TMEM132E: variants seen among roughly 807,000 people sequenced by gnomAD.
TMEM132E encodes the protein transmembrane protein 132E.
In TMEM132E, 49 loss-of-function variants were observed where a neutral mutation model predicts 78.5. That is an observed-to-expected ratio of 0.62 (90% confidence interval 0.50 to 0.79). TMEM132E has a LOEUF of 0.79. Among genes scored for constraint, TMEM132E ranks in the 30% least tolerant of loss-of-function variants. The pLI is 0.00. For synonymous variants in TMEM132E, 715 were observed against 670.6 expected, an observed-to-expected ratio of 1.07 and a Z score of -1.02; for missense variants, 1,403 against 1,470.9, an observed-to-expected ratio of 0.95 and a Z score of 0.75.
chr17:34,610,565 G>A (rs1489831757), intron 1 of TMEM132E, among the ~76,000 whole-genome samples: 4 of 152,318 alleles, frequency 2.6e-5, no homozygotes, highest in East Asian at 3.9e-4. Context: ...GTGATGCTGC[G>A]AGAAAAAGGA....
chr17:34,636,985 C>A (rs1907542087), intron 8 of TMEM132E, among the ~76,000 whole-genome samples, 192 bp from the exon 9 acceptor site: 1 of 152,172 alleles, frequency 6.6e-6, no homozygotes, highest in African/African-American at 2.4e-5. Context: ...TCCCCACACC[C>A]TGTGAGGAGG....
At chr17:34,582,306 C>T (rs1230905765) in intron 1 of TMEM132E, among the ~76,000 whole-genome samples, 3 of 152,158 alleles carry the variant, frequency 2.0e-5, no homozygotes, top group African/African-American at 7.2e-5. Context: ...TGCCCAGTCC[C>T]TAAGAGCCTG....
At chr17:34,618,778 C>T (rs1313600638) in intron 1 of TMEM132E, among the ~76,000 whole-genome samples, 1 of 152,136 alleles carries the variant, frequency 6.6e-6, no homozygotes, top group Non-Finnish European at 1.5e-5. Flanking sequence ...CAGGTTTTTC[C>T]CACTGCAACG....
At chr17:34,589,749 A>G (rs531505474) in intron 1 of TMEM132E, among the ~76,000 whole-genome samples, 17 of 152,256 alleles carry the variant, frequency 1.1e-4, no homozygotes, top group Non-Finnish European at 2.1e-4. Context: ...CCACAACCGG[A>G]GCCCTGCCAC....
chr17:34,596,853 CAAAAAAAAAAAAA>C (rs35038070), intron 1 of TMEM132E, among the ~76,000 whole-genome samples: 1 of 72,366 alleles, frequency 1.4e-5, no homozygotes, highest in South Asian at 5.6e-4. Context: ...CTAAGTAGCT[CAAAAAAAAAAAAA>C]AAAAAAAAAG....
rs150456634 is a variant in TMEM132E, at chr17:34,586,934, C to T, written c.67+5791C>T. On this transcript the variant is annotated intron_variant, in intron 1 of 8. Coordinates refer to ENST00000631683, the MANE Select transcript of TMEM132E (RefSeq NM_001304438.2). ...ACTGTAATCCTTCCTGCTGCATTCT[C>T]ACCCACACTTTTTTTGGCCTGTGAG... is the stretch of plus-strand genomic sequence containing the variant. Among the ~76,000 whole-genome samples the T allele has an allele frequency of 2.0e-5, 3 of 152,302 alleles. No homozygotes were observed. In the East Asian group the frequency reaches 5.8e-4, roughly 29 times the overall value.
At chr17:34,600,097 A>T (rs935228063) in intron 1 of TMEM132E, among the ~76,000 whole-genome samples, 1 of 152,348 alleles carries the variant, frequency 6.6e-6, no homozygotes, top group South Asian at 2.1e-4. Flanking sequence ...GGGAACCTTT[A>T]TTCACTTCCT....
At chr17:34,590,423 A>T (rs912400957) in intron 1 of TMEM132E, among the ~76,000 whole-genome samples, 3 of 152,218 alleles carry the variant, frequency 2.0e-5, no homozygotes, top group Non-Finnish European at 4.4e-5. Context: ...AGTCATTGAC[A>T]TGTTGCAAAG....
chr17:34,637,799 A>G lies in TMEM132E; in HGVS notation c.2792A>G (p.His931Arg). ...CCCGAGGGCCAGACCAGCATGGACC[A>G]CTCTCACCACTGGGTGTTCCTGGGC... The part of the protein sequence containing the change: ...IPPEGQTSMD[H>R]SHHWVFLGNG... The change falls in exon 9 of 9, where the codon CAC becomes CGC. Residue 931 changes from histidine (H) to arginine (R), a missense_variant. His to Arg is a conservative substitution (Grantham distance 29, BLOSUM62 0). Transcript: ENST00000631683. 1.2e-6 allele frequency: 2 copies of G among 1,612,886 alleles called. No individual in the cohort carries two copies. Among genetic ancestry groups the G allele is most frequent in the Non-Finnish European group, 1.7e-6 (2 of 1,179,834 alleles).
intron 1 of TMEM132E, among the ~76,000 whole-genome samples, chr17:34,616,277 T>C (rs1906776691): frequency 2.0e-5 from 3 of 152,088 alleles, no homozygotes; most frequent in Admixed American, 2.0e-4. Flanking sequence ...CAGCTGACTT[T>C]TATTCCAACA....
chr17:34,613,220 C>CGCGCGT (rs1906667006), intron 1 of TMEM132E, among the ~76,000 whole-genome samples: 2 of 151,404 alleles, frequency 1.3e-5, no homozygotes, highest in Admixed American at 6.6e-5. Flanking sequence ...CACGCGCGCG[C>CGCGCGT]GCGCGCGTTC....
chr17:34,588,617 G>T (rs1905758511), intron 1 of TMEM132E, among the ~76,000 whole-genome samples: 1 of 152,226 alleles, frequency 6.6e-6, no homozygotes, highest in Admixed American at 6.5e-5. Flanking sequence ...GGGTATGTTT[G>T]TCAGAGGAGG....
At chr17:34,628,810 G>T (rs1907246652) in intron 3 of TMEM132E, 101 bp downstream of exon 3, 1 of 1,438,114 alleles carries the variant, frequency 7.0e-7, no homozygotes, top group Non-Finnish European at 9.2e-7. Flanking sequence ...GGAGGGCTGG[G>T]GCTCGGTCAT....
chr17:34,626,500 C>T lies in TMEM132E; in HGVS notation c.441C>T (p.Tyr147=), dbSNP rs1033250615. 6 of 1,610,474 alleles carry T rather than the reference C, an allele frequency of 3.7e-6. No individual in the cohort carries two copies. The African/African-American group carries it at 8.0e-5, about 21-fold the overall frequency. ...AGCCCGTGGTCCAGGTGCTGTTCTA[C>T]GTAGCCGGCCGGGACTGGGACGACT... ...ASQPVVQVLF[Y]VAGRDWDDFG... Residue 147 remains tyrosine, a synonymous_variant, in exon 2 of 9, where the codon TAC becomes TAT. Transcript: ENST00000631683.
At chr17:34,602,289 G>A (rs908057592) in intron 1 of TMEM132E, among the ~76,000 whole-genome samples, 6 of 152,346 alleles carry the variant, frequency 3.9e-5, no homozygotes, top group Non-Finnish European at 5.9e-5. Context: ...GGCCCAGCCC[G>A]CAAGAGATTG....
At chr17:34,618,296 G>C (rs962893022) in intron 1 of TMEM132E, among the ~76,000 whole-genome samples, 10 of 152,088 alleles carry the variant, frequency 6.6e-5, no homozygotes, top group African/African-American at 2.2e-4. Context: ...GGAATGCAGT[G>C]ATGTGATCAT....
At chr17:34,595,591 G>A (rs1906029344) in intron 1 of TMEM132E, among the ~76,000 whole-genome samples, 1 of 152,186 alleles carries the variant, frequency 6.6e-6, no homozygotes, top group African/African-American at 2.4e-5. Flanking sequence ...CATGGGACAA[G>A]GGCTGGCAGG....
At chr17:34,585,136 A>C (rs1905623372) in intron 1 of TMEM132E, among the ~76,000 whole-genome samples, 1 of 152,214 alleles carries the variant, frequency 6.6e-6, no homozygotes, top group Non-Finnish European at 1.5e-5. Context: ...CCGTATTCAC[A>C]ACATAGCCTT....
At chr17:34,604,524 TCTC>T (rs567304117) in intron 1 of TMEM132E, among the ~76,000 whole-genome samples, 131 of 152,208 alleles carry the variant, frequency 8.6e-4, no homozygotes, top group South Asian at 4.4e-3. Flanking sequence ...CCTTGCCTGT[TCTC>T]CTGTGTCATC....
Sources: allele counts gnomAD v4.1 joint callset (sites outside exome capture counted in the v4.1 genomes callset), GRCh38; gene constraint gnomAD v4.1.1; transcripts MANE v1.5; gene names NCBI Gene and HGNC (gene_info 2026-07-23, HGNC 2026-07-21).